The following CORIN variants were observed in gnomAD, a reference collection of about 807,000 sequenced individuals.
The protein encoded by CORIN is atrial natriuretic peptide-converting enzyme.
A neutral mutation model predicts 125.3 loss-of-function variants in CORIN; 117 were observed. The observed-to-expected ratio is 0.93, with a 90% CI of 0.80 to 1.09. The LOEUF is 1.09. CORIN is among the 50% of genes least tolerant of loss of function. The probability of loss-of-function intolerance (pLI) is 0.00; values close to 1 mark genes in which losing one functional copy is unlikely to be tolerated. For missense variants in CORIN, 1,253 were observed against 1,306.7 expected, an observed-to-expected ratio of 0.96 and a Z score of 0.63; for synonymous variants, 450 against 466.4, an observed-to-expected ratio of 0.96 and a Z score of 0.45.
intron 12 of CORIN, among the ~76,000 whole-genome samples, chr4:47,660,224 A>G (rs555788071): frequency 1.3e-5 from 2 of 152,358 alleles, no homozygotes; most frequent in Admixed American, 1.3e-4. Context: ...ACTTCAAACT[A>G]TGAAACTACT....
intron 1 of CORIN, among the ~76,000 whole-genome samples, chr4:47,811,295 C>T (rs74614365): frequency 0.082 from 12,553 of 152,234 alleles, 686 homozygotes; most frequent in Non-Finnish European, 0.12. Context: ...TCATGAGAAC[C>T]ATGCACCCAG....
At chr4:47,797,219 TAATA>T (rs995761367) in intron 2 of CORIN, among the ~76,000 whole-genome samples, 24 of 148,234 alleles carry the variant, frequency 1.6e-4, no homozygotes, top group Non-Finnish European at 2.8e-4. Flanking sequence ...ATATATAATA[TAATA>T]TATAATTATA....
intron 6 of CORIN, among the ~76,000 whole-genome samples, chr4:47,686,465 C>A (rs1725521688): frequency 6.6e-6 from 1 of 152,126 alleles, no homozygotes; most frequent in Non-Finnish European, 1.5e-5. Flanking sequence ...TTATCCCACT[C>A]AGCAGAGGGC....
chr4:47,672,543 G>A (rs1054198297), intron 10 of CORIN, among the ~76,000 whole-genome samples: 8 of 151,988 alleles, frequency 5.3e-5, no homozygotes, highest in Admixed American at 6.5e-5. Flanking sequence ...TAAGGAAATC[G>A]CTCTGAAAAA....
At chr4:47,645,718 C>T (rs992035255) in intron 13 of CORIN, among the ~76,000 whole-genome samples, 12 of 151,688 alleles carry the variant, frequency 7.9e-5, no homozygotes, top group African/African-American at 2.9e-4. Flanking sequence ...GGTGAAACCC[C>T]ATCTCTACTA....
chr4:47,702,833 T>G (rs1314518659), intron 5 of CORIN, among the ~76,000 whole-genome samples: 1 of 152,246 alleles, frequency 6.6e-6, no homozygotes, highest in Non-Finnish European at 1.5e-5. Context: ...TCCAATCCCA[T>G]GAAGAATGTA....
At chr4:47,696,236 C>T (rs1725996086) in intron 5 of CORIN, among the ~76,000 whole-genome samples, 1 of 152,146 alleles carries the variant, frequency 6.6e-6, no homozygotes, top group Admixed American at 6.5e-5. Flanking sequence ...TTCCAACAGG[C>T]TTTTGAGTGG....
chr4:47,726,580 A>T (rs1727607642), intron 5 of CORIN, among the ~76,000 whole-genome samples: 1 of 152,056 alleles, frequency 6.6e-6, no homozygotes, highest in African/African-American at 2.4e-5. Flanking sequence ...AAGATGATAT[A>T]TGTAGGATGA....
chr4:47,698,216 G>C (rs1317243094), intron 5 of CORIN, among the ~76,000 whole-genome samples: 2 of 151,826 alleles, frequency 1.3e-5, no homozygotes, highest in African/African-American at 4.8e-5. Flanking sequence ...ATGAAGAAGA[G>C]AGTACTGCAG....
At chr4:47,829,215 A>G (rs1732871694) in intron 1 of CORIN, among the ~76,000 whole-genome samples, 1 of 142,310 alleles carries the variant, frequency 7.0e-6, no homozygotes, top group African/African-American at 2.5e-5. Flanking sequence ...TTTTATGTTG[A>G]TTACATATTA....
intron 1 of CORIN, among the ~76,000 whole-genome samples, chr4:47,818,083 G>C (rs1005323505): frequency 6.6e-6 from 1 of 152,192 alleles, no homozygotes; most frequent in Non-Finnish European, 1.5e-5. Flanking sequence ...CAATTCAAAG[G>C]CCTGTGCATT....
intron 10 of CORIN, among the ~76,000 whole-genome samples, chr4:47,672,158 C>G (rs1724791584): frequency 6.6e-6 from 1 of 152,186 alleles, no homozygotes; most frequent in Non-Finnish European, 1.5e-5. Flanking sequence ...TTCTAAGAAG[C>G]TAGAAGCCTG....
chr4:47,757,878 G>GTATGTATATATATATATATATA (rs1553916061), intron 4 of CORIN, among the ~76,000 whole-genome samples: 2 of 123,926 alleles, frequency 1.6e-5, no homozygotes, highest in African/African-American at 6.6e-5. Flanking sequence ...ATATATATAT[G>GTATGTATATATATATATATATA]TATATATATA....
intron 5 of CORIN, among the ~76,000 whole-genome samples, chr4:47,733,803 T>C (rs1727996575): frequency 6.6e-6 from 1 of 152,172 alleles, no homozygotes; most frequent in Admixed American, 6.5e-5. Flanking sequence ...AGACCTAGCA[T>C]CAACATAAGA....
intron 17 of CORIN, among the ~76,000 whole-genome samples, 166 bp from the exon 18 acceptor site, chr4:47,624,114 G>C (rs1464636045): frequency 2.0e-5 from 3 of 152,192 alleles, no homozygotes; most frequent in African/African-American, 7.2e-5. Flanking sequence ...TCTTGGTGCA[G>C]GAATTCTCAA....
At chr4:47,639,235 C>T (rs913021654) in intron 16 of CORIN, among the ~76,000 whole-genome samples, 1 of 152,158 alleles carries the variant, frequency 6.6e-6, no homozygotes, top group African/African-American at 2.4e-5. Flanking sequence ...TTTATACTAT[C>T]AAGATAAGAT....
chr4:47,734,533 T>C (rs1393230202), intron 5 of CORIN, among the ~76,000 whole-genome samples: 1 of 152,258 alleles, frequency 6.6e-6, no homozygotes, highest in Non-Finnish European at 1.5e-5. Flanking sequence ...ATACTTTCTG[T>C]ATCACAGCAT....
At chr4:47,707,140 C>A (rs1433518112) in intron 5 of CORIN, among the ~76,000 whole-genome samples, 9 of 152,112 alleles carry the variant, frequency 5.9e-5, no homozygotes, top group Non-Finnish European at 1.3e-4. Flanking sequence ...TGTTTGAAGA[C>A]AATAAGTGGT....
At chr4:47,685,120 G>A (rs540156675) in intron 6 of CORIN, among the ~76,000 whole-genome samples, 1 of 152,218 alleles carries the variant, frequency 6.6e-6, no homozygotes, top group Non-Finnish European at 1.5e-5. Flanking sequence ...TCTTATGAAG[G>A]TAACTGCAAC....
Sources: allele counts gnomAD v4.1 joint callset (sites outside exome capture counted in the v4.1 genomes callset), GRCh38; gene constraint gnomAD v4.1.1; transcripts MANE v1.5; gene names NCBI Gene and HGNC (gene_info 2026-07-23, HGNC 2026-07-21).